Variants in SLIT3 observed in about 807,000 individuals in gnomAD.
The protein encoded by SLIT3 is slit guidance ligand 3.
SLIT3 carries 68 observed loss-of-function variants against 184.0 expected under a neutral mutation model. That is an observed-to-expected ratio of 0.37 (90% CI 0.30 to 0.45). The LOEUF is 0.45. Ranked by LOEUF, SLIT3 falls within the 20% of genes least tolerant of loss-of-function variation. SLIT3 has a pLI of 1.00. For synonymous variants in SLIT3, 831 were observed against 828.6 expected (o/e 1.00, Z -0.05); for missense variants, 1,707 against 2,026.0 (o/e 0.84, Z 3.02).
At chr5:169,056,831 C>T (rs888185430) in intron 4 of SLIT3, among the ~76,000 whole-genome samples, 1 of 152,128 alleles carries the variant, frequency 6.6e-6, no homozygotes, top group African/African-American at 2.4e-5. Context: ...GGGAGGTGGC[C>T]CAGGGCCACA....
intron 4 of SLIT3, among the ~76,000 whole-genome samples, chr5:169,172,468 CACGG>C (rs1427562335): frequency 6.6e-6 from 1 of 152,194 alleles, no homozygotes; most frequent in African/African-American, 2.4e-5. Flanking sequence ...CTTGGAAATT[CACGG>C]TGCATATTAA....
intron 4 of SLIT3, among the ~76,000 whole-genome samples, chr5:169,156,086 A>G (rs1477804610): frequency 3.9e-5 from 6 of 152,338 alleles, no homozygotes; most frequent in African/African-American, 1.4e-4. Context: ...TTTGATCATG[A>G]AAACTTATTA....
chr5:168,751,079 G>A (rs1208740481), intron 18 of SLIT3, among the ~76,000 whole-genome samples: 3 of 152,092 alleles, frequency 2.0e-5, no homozygotes, highest in African/African-American at 7.2e-5. Context: ...GGGTGCTCCA[G>A]GGAGTGCCAA....
At chr5:169,083,025 AC>A (rs56938321) in intron 4 of SLIT3, among the ~76,000 whole-genome samples, 5,932 of 152,272 alleles carry the variant, frequency 0.039, 382 homozygotes, top group East Asian at 0.25. Flanking sequence ...TTAAATCTCT[AC>A]CATATGTAAC....
intron 3 of SLIT3, 107 bp downstream of exon 3, chr5:169,244,598 C>CT (rs1258314732): frequency 2.7e-5 from 25 of 920,210 alleles, no homozygotes; most frequent in Middle Eastern, 2.3e-4. Flanking sequence ...CACTGGAGAC[C>CT]TTTTTTAACA....
chr5:168,902,539 GT>G (rs1481729474), intron 4 of SLIT3, among the ~76,000 whole-genome samples: 4 of 152,200 alleles, frequency 2.6e-5, no homozygotes, highest in Non-Finnish European at 5.9e-5. Flanking sequence ...AAGGGTGTGT[GT>G]TAGTGGGGGA....
chr5:168,954,813 A>G (rs753655467), intron 4 of SLIT3, among the ~76,000 whole-genome samples: 14 of 152,236 alleles, frequency 9.2e-5, no homozygotes, highest in Non-Finnish European at 2.1e-4. Context: ...GGACAGTTCT[A>G]GCTGATTGTT....
chr5:169,013,718 A>G (rs1041552878), intron 4 of SLIT3, among the ~76,000 whole-genome samples: 1 of 152,202 alleles, frequency 6.6e-6, no homozygotes, highest in Admixed American at 6.5e-5. Flanking sequence ...TCCTCGAAAG[A>G]CAAATGTATT....
chr5:169,174,563 C>G (rs1267791313), intron 4 of SLIT3, among the ~76,000 whole-genome samples: 1 of 152,170 alleles, frequency 6.6e-6, no homozygotes, highest in African/African-American at 2.4e-5. Context: ...AAATGGGATA[C>G]CACTAATACC....
intron 4 of SLIT3, among the ~76,000 whole-genome samples, chr5:168,900,332 T>C (rs999087418): frequency 2.6e-5 from 4 of 152,172 alleles, no homozygotes; most frequent in African/African-American, 9.7e-5. Flanking sequence ...AAGATACTTA[T>C]GGCCTGGTAC....
chr5:169,225,200 C>T (rs1764762131), intron 3 of SLIT3, among the ~76,000 whole-genome samples: 1 of 152,202 alleles, frequency 6.6e-6, no homozygotes, highest in Non-Finnish European at 1.5e-5. Flanking sequence ...AAGTGTTTTA[C>T]AGACAGGTCC....
intron 4 of SLIT3, among the ~76,000 whole-genome samples, chr5:169,188,510 C>T (rs768734796): frequency 1.3e-5 from 2 of 152,250 alleles, no homozygotes; most frequent in South Asian, 4.1e-4. Context: ...CAGGGCCACA[C>T]AGCTTACAGG....
intron 4 of SLIT3, among the ~76,000 whole-genome samples, chr5:169,084,752 T>G (rs1485591177): frequency 6.6e-6 from 1 of 152,206 alleles, no homozygotes; most frequent in Non-Finnish European, 1.5e-5. Context: ...TTCCCCTCTT[T>G]CAGGGGCCAG....
chr5:168,898,991 A>G (rs1760777756), intron 4 of SLIT3, among the ~76,000 whole-genome samples: 1 of 142,370 alleles, frequency 7.0e-6, no homozygotes, highest in Admixed American at 7.0e-5. Context: ...ACATCCAAAC[A>G]TTTGGGTAAA....
chr5:169,234,634 T>C (rs1338711166), intron 3 of SLIT3, among the ~76,000 whole-genome samples: 3 of 152,054 alleles, frequency 2.0e-5, no homozygotes, highest in African/African-American at 7.2e-5. Flanking sequence ...TCTGGAACTC[T>C]TGACCTGAAG....
chr5:169,260,436 C>T (rs1027172146), intron 1 of SLIT3, among the ~76,000 whole-genome samples: 2 of 152,150 alleles, frequency 1.3e-5, no homozygotes, highest in South Asian at 2.1e-4. Context: ...AGGATCAGAC[C>T]GAGGACGGGG....
chr5:169,253,324 G>C (rs1282601150), intron 1 of SLIT3, among the ~76,000 whole-genome samples: 1 of 152,150 alleles, frequency 6.6e-6, no homozygotes, highest in Admixed American at 6.5e-5. Flanking sequence ...GCCAGCATCT[G>C]CAGCACTAAT....
intron 4 of SLIT3, among the ~76,000 whole-genome samples, chr5:168,887,554 G>A (rs1760267274): frequency 6.6e-6 from 1 of 152,138 alleles, no homozygotes; most frequent in Non-Finnish European, 1.5e-5. Flanking sequence ...ATTACACGTA[G>A]AGCACCGTGT....
intron 29 of SLIT3, among the ~76,000 whole-genome samples, chr5:168,690,321 G>A (rs1183501260): frequency 6.6e-6 from 1 of 152,092 alleles, no homozygotes; most frequent in African/African-American, 2.4e-5. Flanking sequence ...TTTCAGTAGA[G>A]ACGGGGTTTC....
Sources: gnomAD v4.1 joint callset for allele counts (sites outside exome capture counted in the v4.1 genomes callset) on GRCh38, gnomAD v4.1.1 for gene constraint, MANE v1.5 for transcripts, NCBI Gene and HGNC (gene_info 2026-07-23, HGNC 2026-07-21) for gene names.